Variants in DRC8 observed in about 807,000 individuals in gnomAD.
DRC8 encodes the protein dynein regulatory complex subunit 8.
At chr1:245,015,311 T>C in the DRC8 span, among the ~76,000 whole-genome samples, 1 of 152,230 alleles carries the variant, frequency 6.6e-6, no homozygotes, top group African/African-American at 2.4e-5. Flanking sequence ...TGTCCTTTAT[T>C]CTTTCACTCA....
chr1:244,993,402 A>G, the DRC8 span, among the ~76,000 whole-genome samples: 1 of 152,186 alleles, frequency 6.6e-6, no homozygotes, highest in Non-Finnish European at 1.5e-5. Flanking sequence ...AGTCCAGAAT[A>G]TCATATCTAA....
chr1:244,990,033 ATCT>A, the DRC8 span, among the ~76,000 whole-genome samples: 1 of 152,242 alleles, frequency 6.6e-6, no homozygotes, highest in Non-Finnish European at 1.5e-5. Context: ...AATCATTGAC[ATCT>A]TCTGCTTCTG....
At chr1:245,080,262 GC>G in the DRC8 span, among the ~76,000 whole-genome samples, 1 of 152,122 alleles carries the variant, frequency 6.6e-6, no homozygotes, top group South Asian at 2.1e-4. Flanking sequence ...CTTATAGATA[GC>G]CCGACATGAA....
the DRC8 span, among the ~76,000 whole-genome samples, chr1:244,983,739 C>CA: frequency 0.043 from 4,311 of 100,904 alleles, 225 homozygotes; most frequent in African/African-American, 0.088. Context: ...GACTCTGTCT[C>CA]AAAAAAAAAA....
the DRC8 span, among the ~76,000 whole-genome samples, chr1:245,118,684 A>T: frequency 0.02 from 3,027 of 151,780 alleles, 114 homozygotes; most frequent in East Asian, 0.14. Flanking sequence ...CCAGCTACTC[A>T]GGAGGCTGAG....
At chr1:245,083,389 T>A in the DRC8 span, 1 of 1,530,964 alleles carries the variant, frequency 6.5e-7, no homozygotes, top group Non-Finnish European at 9.0e-7. Flanking sequence ...ATTTATTATG[T>A]AAAGACTGCG....
chr1:244,973,184 C>G, the DRC8 span, among the ~76,000 whole-genome samples: 1 of 151,764 alleles, frequency 6.6e-6, no homozygotes, highest in Non-Finnish European at 1.5e-5. Flanking sequence ...GACTTGAAGG[C>G]TGATTTTGCC....
the DRC8 span, among the ~76,000 whole-genome samples, chr1:245,050,729 T>C: frequency 6.6e-6 from 1 of 152,188 alleles, no homozygotes; most frequent in Non-Finnish European, 1.5e-5. Flanking sequence ...CGGTGTACTC[T>C]ATACTTGTGA....
At chr1:245,055,854 A>G in the DRC8 span, among the ~76,000 whole-genome samples, 3 of 152,130 alleles carry the variant, frequency 2.0e-5, no homozygotes, top group African/African-American at 7.2e-5. Context: ...GCCTTTTATC[A>G]TCCAGCTAGA....
At chr1:245,065,755 G>A in the DRC8 span, among the ~76,000 whole-genome samples, 292 of 151,904 alleles carry the variant, frequency 1.9e-3, 1 homozygote, top group African/African-American at 6.6e-3. Context: ...CCGCATCGGA[G>A]TGTTGGGGAT....
At chr1:245,052,804 C>T in the DRC8 span, among the ~76,000 whole-genome samples, 5 of 152,194 alleles carry the variant, frequency 3.3e-5, no homozygotes, top group South Asian at 2.1e-4. Flanking sequence ...GTTGTGGTGA[C>T]GGTAAGTGCT....
the DRC8 span, among the ~76,000 whole-genome samples, chr1:244,990,964 A>G: frequency 3.9e-5 from 6 of 152,072 alleles, no homozygotes; most frequent in Non-Finnish European, 7.4e-5. Flanking sequence ...ATTCAACTCA[A>G]TTTAATACCA....
the DRC8 span, among the ~76,000 whole-genome samples, chr1:245,038,133 C>A: frequency 2.6e-5 from 4 of 152,126 alleles, no homozygotes; most frequent in African/African-American, 9.7e-5. Flanking sequence ...TTTTAATTTT[C>A]ATATGAGAAA....
At chr1:245,020,878 C>T in the DRC8 span, among the ~76,000 whole-genome samples, 3 of 151,780 alleles carry the variant, frequency 2.0e-5, no homozygotes, top group Non-Finnish European at 4.4e-5. Flanking sequence ...GATCCACCCA[C>T]CTTGGCCTCC....
At chr1:245,082,044 T>G in the DRC8 span, 1 of 1,513,702 alleles carries the variant, frequency 6.6e-7, no homozygotes, top group Non-Finnish European at 9.2e-7. Context: ...AATACATTTG[T>G]TGAATGACTA....
the DRC8 span, among the ~76,000 whole-genome samples, chr1:245,070,082 G>A: frequency 9.2e-5 from 14 of 152,228 alleles, 1 homozygote; most frequent in Admixed American, 9.2e-4. Flanking sequence ...ACAGAAGGAT[G>A]TGCATAGGTT....
chr1:245,008,037 A>T, the DRC8 span, among the ~76,000 whole-genome samples: 1 of 152,216 alleles, frequency 6.6e-6, no homozygotes, highest in Admixed American at 6.5e-5. Context: ...TTAGCCAGGC[A>T]TGGTGGTCTG....
At chr1:245,096,971 G>A in the DRC8 span, among the ~76,000 whole-genome samples, 1 of 152,222 alleles carries the variant, frequency 6.6e-6, no homozygotes, top group African/African-American at 2.4e-5. Context: ...ACAGGGCTTA[G>A]TAAGTGGTAT....
chr1:245,044,771 C>T, the DRC8 span, among the ~76,000 whole-genome samples: 2 of 151,732 alleles, frequency 1.3e-5, no homozygotes, highest in Admixed American at 1.3e-4. Context: ...GTAGAGATGG[C>T]ATTTCACCAT....
Sources: gnomAD v4.1 joint callset for allele counts (sites outside exome capture counted in the v4.1 genomes callset) on GRCh38, gnomAD v4.1.1 for gene constraint, MANE v1.5 for transcripts, NCBI Gene and HGNC (gene_info 2026-07-23, HGNC 2026-07-21) for gene names.